GALNT13: variants seen among roughly 807,000 people sequenced by gnomAD.
GALNT13 encodes UDP-GalNAc:polypeptide N-acetylgalactosaminyltransferase 13.
In GALNT13, 28 loss-of-function variants were observed where a neutral mutation model predicts 64.2. The observed-to-expected ratio is 0.44, with a 90% CI of 0.32 to 0.60. GALNT13 has a LOEUF of 0.60. Ranked by LOEUF, GALNT13 falls within the 20% of genes least tolerant of loss-of-function variation. The pLI is 0.05. For synonymous variants in GALNT13, 214 were observed against 224.6 expected (o/e 0.95, Z 0.42); for missense variants, 577 against 669.8 (o/e 0.86, Z 1.53).
the GALNT13 span, among the ~76,000 whole-genome samples, chr2:153,607,327 G>A: frequency 6.6e-6 from 1 of 152,002 alleles, no homozygotes; most frequent in African/African-American, 2.4e-5. Context: ...AACCATTCTA[G>A]GCACTTGGTA....
chr2:153,728,654 C>A, the GALNT13 span, among the ~76,000 whole-genome samples: 1 of 152,086 alleles, frequency 6.6e-6, no homozygotes, highest in African/African-American at 2.4e-5. Flanking sequence ...CAGAGCAGAA[C>A]TGAAGGAGCT....
chr2:154,222,543 GTTAT>G (rs1191634947), intron 4 of GALNT13, among the ~76,000 whole-genome samples: 10 of 152,028 alleles, frequency 6.6e-5, no homozygotes, highest in Non-Finnish European at 1.3e-4. Flanking sequence ...TTTTTAATCT[GTTAT>G]TTGTTTCATA....
At chr2:153,981,267 G>T (rs1574258593) in intron 3 of GALNT13, among the ~76,000 whole-genome samples, 1 of 152,014 alleles carries the variant, frequency 6.6e-6, no homozygotes, top group Non-Finnish European at 1.5e-5. Context: ...TGCACAATGT[G>T]CAGGTTTGTT....
At chr2:154,037,831 A>G (rs985243310) in intron 3 of GALNT13, among the ~76,000 whole-genome samples, 5 of 152,192 alleles carry the variant, frequency 3.3e-5, no homozygotes, top group Non-Finnish European at 5.9e-5. Context: ...AATTAAAAGT[A>G]TAAAACACTG....
the GALNT13 span, among the ~76,000 whole-genome samples, chr2:153,592,040 G>C: frequency 1.3e-5 from 2 of 150,780 alleles, no homozygotes; most frequent in African/African-American, 4.9e-5. Context: ...TTTTTCAAAA[G>C]CAAACTGACA....
At chr2:153,519,082 A>G in the GALNT13 span, among the ~76,000 whole-genome samples, 10 of 152,168 alleles carry the variant, frequency 6.6e-5, no homozygotes, top group Non-Finnish European at 7.4e-5. Flanking sequence ...GGGTAAGTCT[A>G]TTGTGTCCAA....
the GALNT13 span, among the ~76,000 whole-genome samples, chr2:153,292,649 T>A: frequency 2.0e-5 from 3 of 152,058 alleles, no homozygotes; most frequent in Non-Finnish European, 4.4e-5. Flanking sequence ...GGGAATTAAA[T>A]GAGCAAACAT....
the GALNT13 span, among the ~76,000 whole-genome samples, chr2:153,289,686 C>T: frequency 6.6e-6 from 1 of 152,116 alleles, no homozygotes. Context: ...ATTTGAAATA[C>T]AGACTATAGT....
At chr2:154,114,434 A>G (rs569509832) in intron 3 of GALNT13, among the ~76,000 whole-genome samples, 2 of 152,176 alleles carry the variant, frequency 1.3e-5, no homozygotes, top group Non-Finnish European at 2.9e-5. Flanking sequence ...GAGGCCCACA[A>G]TGACGTTTTG....
At chr2:153,756,475 A>G in the GALNT13 span, among the ~76,000 whole-genome samples, 3 of 152,100 alleles carry the variant, frequency 2.0e-5, no homozygotes, top group Non-Finnish European at 2.9e-5. Flanking sequence ...GTATCCTTGT[A>G]GTAGAACTTA....
At chr2:154,201,337 G>A (rs1377956004) in intron 4 of GALNT13, among the ~76,000 whole-genome samples, 2 of 152,094 alleles carry the variant, frequency 1.3e-5, no homozygotes, top group African/African-American at 4.8e-5. Flanking sequence ...AGCTTTGTTT[G>A]ATTTGTTGCT....
the GALNT13 span, among the ~76,000 whole-genome samples, chr2:153,536,970 TA>T: frequency 6.6e-6 from 1 of 152,242 alleles, no homozygotes; most frequent in African/African-American, 2.4e-5. Context: ...TACATTTAGT[TA>T]AAAGCTAACT....
chr2:153,450,576 A>AT, the GALNT13 span, among the ~76,000 whole-genome samples: 2 of 76,926 alleles, frequency 2.6e-5, no homozygotes, highest in South Asian at 6.6e-4. Context: ...CCTAGGTTTG[A>AT]ATTTTTTTTT....
At chr2:154,051,014 GTCT>G (rs965580845) in intron 3 of GALNT13, among the ~76,000 whole-genome samples, 4 of 152,146 alleles carry the variant, frequency 2.6e-5, no homozygotes, top group African/African-American at 9.7e-5. Flanking sequence ...GAAATAGAAA[GTCT>G]TCTCGGAAAC....
chr2:154,325,666 TTAGTA>T (rs1458205904), intron 9 of GALNT13, among the ~76,000 whole-genome samples: 1 of 152,120 alleles, frequency 6.6e-6, no homozygotes, highest in Non-Finnish European at 1.5e-5. Context: ...GTGTGATGCT[TTAGTA>T]TAGTCATATA....
At chr2:154,280,855 A>G (rs1401684556) in intron 8 of GALNT13, among the ~76,000 whole-genome samples, 3 of 152,212 alleles carry the variant, frequency 2.0e-5, no homozygotes, top group Non-Finnish European at 4.4e-5. Flanking sequence ...GTAAAATGCA[A>G]GGTATCTGAC....
the GALNT13 span, among the ~76,000 whole-genome samples, chr2:153,789,475 C>T: frequency 4.0e-5 from 6 of 151,880 alleles, no homozygotes; most frequent in African/African-American, 1.5e-4. Flanking sequence ...TACTAAATGC[C>T]CACACCAAAA....
At position 154,332,199 on chromosome 2, in the gene GALNT13, A is replaced by G. The variant is rs563271660; in HGVS notation, c.1156+30610A>G. Among the ~76,000 whole-genome samples the G allele has an allele frequency of 1.2e-4, 18 of 152,216 alleles. No homozygotes were observed. The South Asian group carries it at 1.9e-3, about 16-fold the overall frequency. ...AAAAGGAAAAACTGGAGGAGAAAAG[A>G]ATTGAGGTTGTCCTTGAGTACATGT... On this transcript the variant is annotated intron_variant, in intron 9 of 12. Transcript: ENST00000392825.
At chr2:153,758,260 T>C in the GALNT13 span, among the ~76,000 whole-genome samples, 1 of 151,902 alleles carries the variant, frequency 6.6e-6, no homozygotes, top group Non-Finnish European at 1.5e-5. Flanking sequence ...TATTGTGTTT[T>C]AGACACCTTT....
Sources: gnomAD v4.1 joint callset for allele counts (sites outside exome capture counted in the v4.1 genomes callset) on GRCh38, gnomAD v4.1.1 for gene constraint, MANE v1.5 for transcripts, NCBI Gene and HGNC (gene_info 2026-07-23, HGNC 2026-07-21) for gene names.